Variants in BICC1 observed in about 807,000 individuals in gnomAD.
BICC1 encodes BicC family RNA binding protein 1, also known as protein bicaudal C homolog 1.
BICC1 carries 43 observed loss-of-function variants against 111.0 expected under a neutral mutation model. That is an observed-to-expected ratio of 0.39 (90% confidence interval 0.30 to 0.50). The LOEUF (loss-of-function observed/expected upper bound fraction) is 0.50, where lower values mean the gene tolerates loss of function less well. Ranked by LOEUF, BICC1 falls within the 20% of genes least tolerant of loss-of-function variation. BICC1 has a pLI of 0.88. For missense variants in BICC1, 1,091 were observed against 1,203.2 expected (o/e 0.91, Z 1.38); for synonymous variants, 467 against 434.4 (o/e 1.07, Z -0.93).
intron 2 of BICC1, among the ~76,000 whole-genome samples, chr10:58,655,368 G>T (rs999987027): frequency 1.3e-4 from 16 of 126,982 alleles, no homozygotes; most frequent in African/African-American, 4.8e-4. Context: ...TTGAGCAGTG[G>T]TTTGTAGTTC....
At chr10:58,656,304 A>G (rs1454847652) in intron 2 of BICC1, among the ~76,000 whole-genome samples, 1 of 151,198 alleles carries the variant, frequency 6.6e-6, no homozygotes, top group Non-Finnish European at 1.5e-5. Context: ...TTCTGAAACT[A>G]TTCCAATCAA....
chr10:58,774,754 T>G (rs989009570), intron 3 of BICC1, among the ~76,000 whole-genome samples: 1 of 152,230 alleles, frequency 6.6e-6, no homozygotes, highest in African/African-American at 2.4e-5. Flanking sequence ...CTTCTTGGGC[T>G]TGAAATTTTG....
At chr10:58,715,824 AAGAC>A (rs1278812231) in intron 3 of BICC1, 7 of 1,287,852 alleles carry the variant, frequency 5.4e-6, no homozygotes, top group African/African-American at 1.5e-5. Context: ...ATCCAAAAAA[AAGAC>A]AGAGAAAGAA....
chr10:58,645,581 T>A (rs942835856), intron 2 of BICC1, among the ~76,000 whole-genome samples: 10 of 152,192 alleles, frequency 6.6e-5, no homozygotes, highest in Non-Finnish European at 1.3e-4. Flanking sequence ...CTAACCTGGC[T>A]GGTTTCTCCA....
At chr10:58,585,388 G>A (rs1053435080) in intron 1 of BICC1, among the ~76,000 whole-genome samples, 6 of 152,136 alleles carry the variant, frequency 3.9e-5, no homozygotes, top group Admixed American at 3.3e-4. Flanking sequence ...AAGATCCAAT[G>A]ATGAATGGGC....
chr10:58,820,283 A>G (rs998396176), intron 19 of BICC1, 86 bp from the exon 20 acceptor site: 24 of 852,776 alleles, frequency 2.8e-5, no homozygotes, highest in Admixed American at 1.8e-4. Context: ...TAATTAATAA[A>G]TAAGTGTGAC....
intron 1 of BICC1, among the ~76,000 whole-genome samples, chr10:58,600,721 G>C (rs186838851): frequency 9.0e-4 from 137 of 152,136 alleles, no homozygotes; most frequent in African/African-American, 3.2e-3. Flanking sequence ...TTCTCAGCCT[G>C]CTCAGTGTGC....
At chr10:58,621,692 G>A (rs1845811836) in intron 2 of BICC1, among the ~76,000 whole-genome samples, 1 of 151,916 alleles carries the variant, frequency 6.6e-6, no homozygotes, top group African/African-American at 2.4e-5. Flanking sequence ...GATCACTTGA[G>A]GTCAGGAGTT....
intron 1 of BICC1, among the ~76,000 whole-genome samples, chr10:58,577,510 G>A (rs1844148404): frequency 6.6e-6 from 1 of 152,190 alleles, no homozygotes; most frequent in African/African-American, 2.4e-5. Context: ...AGACAGTGAA[G>A]TATCTGTTTC....
chr10:58,658,087 A>G (rs1838718622), intron 2 of BICC1, among the ~76,000 whole-genome samples: 2 of 152,166 alleles, frequency 1.3e-5, no homozygotes, highest in African/African-American at 4.8e-5. Flanking sequence ...CACCACCATT[A>G]TCCCCTTTGT....
intron 19 of BICC1, among the ~76,000 whole-genome samples, chr10:58,818,283 T>G (rs989450492): frequency 1.3e-5 from 2 of 152,176 alleles, no homozygotes; most frequent in Admixed American, 1.3e-4. Flanking sequence ...TGACCATGGA[T>G]TTTGGTCAAA....
intron 2 of BICC1, among the ~76,000 whole-genome samples, chr10:58,651,067 G>A (rs1838432215): frequency 6.6e-6 from 1 of 152,100 alleles, no homozygotes; most frequent in Non-Finnish European, 1.5e-5. Flanking sequence ...AGACGATGAG[G>A]AATGCCTGCC....
intron 1 of BICC1, among the ~76,000 whole-genome samples, chr10:58,567,907 A>G (rs535436314): frequency 5.9e-5 from 9 of 152,066 alleles, no homozygotes; most frequent in South Asian, 2.1e-4. Context: ...AGAGGCTTCA[A>G]TGTTGGAAAG....
At chr10:58,718,807 G>T (rs1840843132) in intron 3 of BICC1, among the ~76,000 whole-genome samples, 2 of 148,478 alleles carry the variant, frequency 1.3e-5, no homozygotes, top group African/African-American at 5.2e-5. Context: ...CGTGCTTATG[G>T]GTATGTGTGT....
intron 3 of BICC1, among the ~76,000 whole-genome samples, chr10:58,736,473 G>A (rs939401383): frequency 2.0e-5 from 3 of 152,068 alleles, no homozygotes; most frequent in African/African-American, 7.2e-5. Flanking sequence ...CTTGCACTTA[G>A]TCTTTTTGTG....
At chr10:58,524,982 C>A (rs1277735653) in intron 1 of BICC1, among the ~76,000 whole-genome samples, 1 of 151,484 alleles carries the variant, frequency 6.6e-6, no homozygotes. Flanking sequence ...CACTGGCCAT[C>A]AGAGAAATGC....
intron 9 of BICC1, among the ~76,000 whole-genome samples, chr10:58,795,214 T>C (rs190788662): frequency 1.3e-3 from 198 of 152,326 alleles, no homozygotes; most frequent in African/African-American, 4.6e-3. Context: ...AATATGTATT[T>C]TATATAATTT....
chr10:58,668,688 A>C (rs1839092026), intron 2 of BICC1, among the ~76,000 whole-genome samples: 1 of 152,044 alleles, frequency 6.6e-6, no homozygotes. Flanking sequence ...ATTTTGGGCC[A>C]GTTACAGTAA....
At chr10:58,624,996 G>C (rs1845943329) in intron 2 of BICC1, among the ~76,000 whole-genome samples, 2 of 152,326 alleles carry the variant, frequency 1.3e-5, no homozygotes, top group East Asian at 3.9e-4. Context: ...CCTGTTTGAT[G>C]GGATTACAGA....
Sources: gnomAD v4.1 joint callset for allele counts (sites outside exome capture counted in the v4.1 genomes callset) on GRCh38, gnomAD v4.1.1 for gene constraint, MANE v1.5 for transcripts, NCBI Gene and HGNC (gene_info 2026-07-23, HGNC 2026-07-21) for gene names.